CMTM6: variants seen among roughly 807,000 people sequenced by gnomAD.
CMTM6 encodes CKLF-like MARVEL transmembrane domain-containing protein 6.
In CMTM6, 5 loss-of-function variants were observed where a neutral mutation model predicts 13.6. That is an observed-to-expected ratio of 0.37 (90% CI 0.19 to 0.77). The LOEUF (loss-of-function observed/expected upper bound fraction) is 0.77, where lower values mean the gene tolerates loss of function less well. Ranked by LOEUF, CMTM6 falls within the 30% of genes least tolerant of loss-of-function variation. CMTM6 has a pLI of 0.50. For synonymous variants in CMTM6, 99 were observed against 84.5 expected (o/e 1.17, Z -0.94); for missense variants, 196 against 218.6 (o/e 0.90, Z 0.65).
Position 32,502,684 on chromosome 3 carries a change from G to A in CMTM6, c.62C>T (p.Pro21Leu), listed in dbSNP as rs764372570. Residue 21 changes from proline (P) to leucine (L), a missense_variant, in exon 1 of 4, where the codon CCC becomes CTC. Around this residue, in one of 2 missense-constraint regions of CMTM6, gnomAD observed 85 missense variants for 58.7 expected, o/e 1.45. Coordinates refer to ENST00000205636, the MANE Select transcript of CMTM6 (RefSeq NM_017801.3). ...AAAGTAGGCAGCGAGGCCGCTCCGG[G>A]GGCCTCTGGCGGGGCCCGGGTCCTC... Reference protein sequence around the residue: ...TEEDPGPARGPRSGLAAYFFM... With the variant: ...TEEDPGPARGLRSGLAAYFFM... 3.3e-5 allele frequency: 53 copies of A among 1,588,416 alleles called. 1 individual carries two copies. In the South Asian group the frequency reaches 5.9e-4, roughly 18 times the overall value.
rs1697190032 is a variant in CMTM6 at position 32,484,961 on chromosome 3, C to G, written c.415-864G>C. 2.0e-5 allele frequency among the ~76,000 whole-genome samples: 3 copies of G among 152,130 alleles called. No individual in the cohort carries two copies. In the South Asian group the frequency reaches 6.2e-4, roughly 32 times the overall value. The stretch of plus-strand genomic sequence containing the variant: ...ATTTTACCACAAAGTAAACTGAGCT[C>G]CAAATTCATTAAGTCCCCCAGATAT... On this transcript the variant is annotated intron_variant, in intron 3 of 3. Coordinates refer to ENST00000205636, the MANE Select transcript of CMTM6 (RefSeq NM_017801.3).
intron 3 of CMTM6, 68 bp from the exon 4 acceptor site, chr3:32,484,165 T>C (rs1347518184): frequency 7.8e-7 from 1 of 1,285,508 alleles, no homozygotes; most frequent in African/African-American, 1.5e-5. Context: ...CCTACTTGGC[T>C]TGGAGAATGT....
intron 2 of CMTM6, among the ~76,000 whole-genome samples, chr3:32,489,269 CAAAA>C (rs34775532): frequency 2.1e-5 from 2 of 94,672 alleles, no homozygotes; most frequent in African/African-American, 4.2e-5. Context: ...GACTCCATCT[CAAAA>C]AAAAAAAAAA....
chr3:32,487,391 A>G (rs1225616920), intron 3 of CMTM6, among the ~76,000 whole-genome samples: 1 of 150,628 alleles, frequency 6.6e-6, no homozygotes, highest in Non-Finnish European at 1.5e-5. Flanking sequence ...AGGTCTCACT[A>G]TGTTGCTTGC....
chr3:32,492,367 G>C (rs1430894970), intron 1 of CMTM6, among the ~76,000 whole-genome samples: 1 of 152,208 alleles, frequency 6.6e-6, no homozygotes, highest in Non-Finnish European at 1.5e-5. Context: ...GTCAAAGTGA[G>C]TCAAATCAAC....
At position 32,502,774 on chromosome 3, in the gene CMTM6, C is replaced by G; in HGVS notation, c.-29G>C. 6 of 1,404,588 alleles carry G rather than the reference C, an allele frequency of 4.3e-6. No individual in the cohort carries two copies. The highest frequency in any genetic ancestry group is 5.6e-6 in the Non-Finnish European group (6 of 1,079,198). The allele number at this position is 1,404,588 out of a possible 1,614,324, so 87.0% of individuals were successfully genotyped here. A position where few individuals can be genotyped will look rare whatever the true frequency, so the allele number is the denominator to read the frequency against. On this transcript the variant is annotated 5_prime_UTR_variant, in exon 1 of 4. Coordinates refer to ENST00000205636, the MANE Select transcript of CMTM6 (RefSeq NM_017801.3). ...CTCGGGCCGGGGAGCGCGGCGGCCG[C>G]AGCAACCGCGCCGTTGACTTCTCGG... is the stretch of plus-strand genomic sequence containing the variant.
chr3:32,498,385 G>T (rs1476535869), intron 1 of CMTM6, among the ~76,000 whole-genome samples: 1 of 152,078 alleles, frequency 6.6e-6, no homozygotes, highest in East Asian at 1.9e-4. Flanking sequence ...TGTTTGTGTA[G>T]GTCTTCCCTG....
At chr3:32,497,771 T>C (rs1697309387) in intron 1 of CMTM6, among the ~76,000 whole-genome samples, 1 of 150,946 alleles carries the variant, frequency 6.6e-6, no homozygotes, top group Admixed American at 6.6e-5. Flanking sequence ...GGCAGGAGAA[T>C]TGCTTGAACC....
chr3:32,486,526 G>T (rs1030793261), intron 3 of CMTM6, among the ~76,000 whole-genome samples: 1 of 152,106 alleles, frequency 6.6e-6, no homozygotes, highest in Non-Finnish European at 1.5e-5. Context: ...GTGTAATATA[G>T]CATATGTACA....
intron 1 of CMTM6, 44 bp downstream of exon 1, chr3:32,502,564 C>A (rs779439090): frequency 1.3e-6 from 2 of 1,562,530 alleles, no homozygotes; most frequent in Non-Finnish European, 1.7e-6. Context: ...CGGGCCAGAC[C>A]CCGCTCCCCA....
chr3:32,487,731 T>A (rs897728687), intron 3 of CMTM6: 6 of 417,384 alleles, frequency 1.4e-5, no homozygotes, highest in African/African-American at 2.0e-5. Flanking sequence ...GGATTTTTTT[T>A]AAACAAAATT....
In CMTM6 at chr3:32,488,049, A is replaced by G; in HGVS notation, c.316-13T>C. On this transcript the variant is annotated splice_polypyrimidine_tract_variant and intron_variant, in intron 2 of 3. Coordinates refer to ENST00000205636, the MANE Select transcript of CMTM6 (RefSeq NM_017801.3). The stretch of plus-strand genomic sequence containing the variant: ...TAATATAAAAATCCTATGCATACAT[A>G]CAAAACACAAAAGGAATACAATACA... 1 of 1,527,584 alleles carries G rather than the reference A, an allele frequency of 6.5e-7. No individual in the cohort carries two copies. Among genetic ancestry groups the G allele is most frequent in the Non-Finnish European group, 9.1e-7 (1 of 1,104,580 alleles). 94.6% of individuals were successfully genotyped at this position (1,527,584 alleles called of 1,614,324 possible).
intron 3 of CMTM6, among the ~76,000 whole-genome samples, chr3:32,486,027 G>A (rs1215490697): frequency 6.6e-6 from 1 of 152,134 alleles, no homozygotes; most frequent in Non-Finnish European, 1.5e-5. Flanking sequence ...ACAGGCGCCT[G>A]CCACCATGCC....
intron 1 of CMTM6, among the ~76,000 whole-genome samples, chr3:32,502,029 A>G (rs1697349306): frequency 1.3e-5 from 2 of 152,232 alleles, no homozygotes; most frequent in Non-Finnish European, 2.9e-5. Context: ...TTGACTTTCC[A>G]CTTAGAACCC....
At chr3:32,496,422 A>G (rs547735418) in intron 1 of CMTM6, among the ~76,000 whole-genome samples, 1 of 152,046 alleles carries the variant, frequency 6.6e-6, no homozygotes, top group South Asian at 2.1e-4. Context: ...TCTCTACCAA[A>G]AAAAAAAGAA....
At chr3:32,496,914 G>C (rs1697296737) in intron 1 of CMTM6, among the ~76,000 whole-genome samples, 2 of 152,114 alleles carry the variant, frequency 1.3e-5, no homozygotes, top group African/African-American at 4.8e-5. Context: ...GATCATGCAA[G>C]GGAATATGGA....
chr3:32,502,727 A>C lies in CMTM6; in HGVS notation c.19T>G (p.Tyr7Asp). The C allele has an allele frequency of 6.5e-7, 1 of 1,529,448 alleles. No individual in the cohort carries two copies. The highest frequency in any genetic ancestry group is 8.7e-7 in the Non-Finnish European group (1 of 1,142,980). 94.7% of individuals were successfully genotyped at this position (1,529,448 alleles called of 1,614,324 possible). A position where few individuals can be genotyped will look rare whatever the true frequency, so the allele number is the denominator to read the frequency against. ...GGGTCCTCCTCCGTAGTGGGGCTGTACACCGCTCCGTTCTCCATCGCCTCG... is the reference window on the plus strand; with the variant it reads ...GGGTCCTCCTCCGTAGTGGGGCTGTCCACCGCTCCGTTCTCCATCGCCTCG... MENGAV[Y>D]SPTTEEDPGP... is the part of the protein sequence containing the mutation. Residue 7 changes from tyrosine to aspartate, a missense_variant, in exon 1 of 4, where the codon TAC (tyrosine) becomes GAC (aspartate). Physicochemically the swap from Tyr to Asp is radical, Grantham distance 160 (BLOSUM62 -3). Around this residue, in one of 2 missense-constraint regions of CMTM6, gnomAD observed 85 missense variants for 58.7 expected, o/e 1.45. Transcript: ENST00000205636.
rs759634931 is a variant in CMTM6, at chr3:32,502,610, G to A, written c.136C>T (p.Leu46=). 15 of 1,596,460 alleles carry A rather than the reference G, an allele frequency of 9.4e-6. No homozygotes were observed. The highest frequency in any genetic ancestry group is 7.9e-5 in the South Asian group (7 of 88,342). The change falls in exon 1 of 4, where the codon CTG becomes TTG. Residue 46 remains leucine, a splice_region_variant and synonymous_variant. Transcript: ENST00000205636. ...GCCCTCCCTGACCGCGGACTCACCA[G>A]CTGCAAGCCCTTGAGAACGCGCCGG... ...LLRRVLKGLQ[L]LLSLLAFICE... is the part of the protein sequence containing the mutation.
chr3:32,492,193 G>C (rs764903333), intron 1 of CMTM6, among the ~76,000 whole-genome samples: 7 of 152,200 alleles, frequency 4.6e-5, no homozygotes, highest in Non-Finnish European at 8.8e-5. Context: ...TCCTGAAGGA[G>C]AAAGCTGAGA....
Sources: gnomAD v4.1 joint callset for allele counts (sites outside exome capture counted in the v4.1 genomes callset) on GRCh38, gnomAD v4.1.1 for gene constraint, gnomAD v4.1.1 regional missense constraint, MANE v1.5 for transcripts, NCBI Gene and HGNC (gene_info 2026-07-23, HGNC 2026-07-21) for gene names.